The following CD163L1 variants were observed in gnomAD, a reference collection of about 807,000 sequenced individuals.
CD163L1 encodes scavenger receptor cysteine-rich type 1 protein M160.
In CD163L1, 124 loss-of-function variants were observed where a neutral mutation model predicts 165.4. The ratio of observed to expected loss-of-function variants is 0.75; its 90% CI spans 0.65 to 0.87. The LOEUF is 0.87. CD163L1 is among the 40% of genes least tolerant of loss of function. The pLI, the probability that CD163L1 is intolerant of heterozygous loss-of-function variation, is 0.00. For missense variants in CD163L1, 1,525 were observed against 1,799.9 expected (o/e 0.85, Z 2.76); for synonymous variants, 585 against 662.2 (o/e 0.88, Z 1.79).
In CD163L1 at chr12:7,367,235, C is replaced by T; in HGVS notation, c.4279+1G>A. The T allele has an allele frequency of 6.2e-7, 1 of 1,607,994 alleles. No individual in the cohort carries two copies. The highest frequency in any genetic ancestry group is 1.1e-5 in the South Asian group (1 of 90,742). The stretch of plus-strand genomic sequence containing the variant: ...AGTGCGGCCCCTGGAGTTGCACAGA[C>T]CTGAGGTTCTTGTCCCATGTGGGTC... On this transcript the variant is annotated splice_donor_variant, in intron 18 of 19. Coordinates refer to ENST00000313599, the MANE Select transcript of CD163L1 (RefSeq NM_174941.6). LOFTEE classifies it high-confidence loss of function.
At position 7,361,994 on chromosome 12, in the gene CD163L1, G is replaced by A. The variant is rs1946901926; in HGVS notation, c.4280-4508C>T. Among the ~76,000 whole-genome samples, 15 of 151,622 alleles carry A rather than the reference G, an allele frequency of 9.9e-5. No individual in the cohort carries two copies. In the South Asian group the frequency reaches 3.1e-3, roughly 31 times the overall value. On this transcript the variant is annotated intron_variant, in intron 18 of 19. Transcript: ENST00000313599. ...GATTGCTCTATGTACCTCTTATAAA[G>A]TGAATCATGTAGTATTTATCTTTTT...
intron 19 of CD163L1, among the ~76,000 whole-genome samples, chr12:7,355,384 A>G (rs1946754225): frequency 2.0e-5 from 3 of 152,144 alleles, no homozygotes; most frequent in African/African-American, 7.2e-5. Context: ...GTAATAATTT[A>G]CTTATCAAAG....
chr12:7,358,908 A>G (rs10431230), intron 18 of CD163L1, among the ~76,000 whole-genome samples: 63,240 of 151,782 alleles, frequency 0.42, 14,462 homozygotes, highest in Non-Finnish European at 0.52. Flanking sequence ...TCAAAGAAAG[A>G]ATTAAAAATG....
At chr12:7,380,297 G>GTATACACATATACATACATATA (rs1565784018) in intron 8 of CD163L1, among the ~76,000 whole-genome samples, 43 of 129,554 alleles carry the variant, frequency 3.3e-4, no homozygotes, top group Non-Finnish European at 2.7e-4. Flanking sequence ...GTGTGTGTGT[G>GTATACACATATACATACATATA]TGTGTATACA....
chr12:7,380,549 G>A (rs1294067203), intron 8 of CD163L1, among the ~76,000 whole-genome samples: 1 of 151,986 alleles, frequency 6.6e-6, no homozygotes. Context: ...AATATTGTAT[G>A]TTCTCACTCA....
the CD163L1 span, among the ~76,000 whole-genome samples, chr12:7,320,978 G>A: frequency 2.6e-5 from 4 of 152,182 alleles, no homozygotes; most frequent in Non-Finnish European, 4.4e-5. Context: ...AGAATGTTGA[G>A]CAGCATCTCA....
chr12:7,323,601 TG>T, the CD163L1 span: 2 of 1,549,612 alleles, frequency 1.3e-6, no homozygotes, highest in Non-Finnish European at 1.8e-6. Flanking sequence ...AATACAGACT[TG>T]GGTTCAAATT....
chr12:7,389,093 T>C (rs1032433528), intron 8 of CD163L1, among the ~76,000 whole-genome samples: 10 of 152,220 alleles, frequency 6.6e-5, no homozygotes, highest in Admixed American at 2.0e-4. Flanking sequence ...CTTTGATACA[T>C]TGATTTCCTT....
chr12:7,422,076 A>G (rs1350148370), intron 4 of CD163L1, among the ~76,000 whole-genome samples: 2 of 152,094 alleles, frequency 1.3e-5, no homozygotes, highest in Non-Finnish European at 2.9e-5. Context: ...CTCTGGGACA[A>G]AGCTTCTAGA....
intron 8 of CD163L1, among the ~76,000 whole-genome samples, chr12:7,385,353 A>T (rs1947494299): frequency 6.6e-6 from 1 of 152,042 alleles, no homozygotes; most frequent in Non-Finnish European, 1.5e-5. Context: ...AAGCACTCAG[A>T]CATATAAAGC....
the CD163L1 span, among the ~76,000 whole-genome samples, chr12:7,336,717 T>A: frequency 6.6e-6 from 1 of 152,076 alleles, no homozygotes; most frequent in South Asian, 2.1e-4. Flanking sequence ...TCCATGCTCA[T>A]GCATAGGAAG....
chr12:7,432,163 A>T lies in CD163L1; in HGVS notation c.766+253T>A, dbSNP rs113139054. Among the ~76,000 whole-genome samples the T allele has an allele frequency of 5.9e-5, 9 of 152,348 alleles. No homozygotes were observed. The highest frequency in any genetic ancestry group is 1.9e-4 in the African/African-American group (8 of 41,580). On this transcript the variant is annotated intron_variant, in intron 4 of 19. Transcript: ENST00000313599. This position sits in a 1 kb window ranked among gnomAD's most constrained non-coding sequence, Gnocchi z 4.2. ...TTTGAAAAAGGTTTTTAGAAAAAAG[A>T]TTTGATCGGCCTATGGAATACTGCT... is the stretch of plus-strand genomic sequence containing the variant.
chr12:7,320,226 T>C, the CD163L1 span, among the ~76,000 whole-genome samples: 2 of 152,152 alleles, frequency 1.3e-5, no homozygotes, highest in African/African-American at 4.8e-5. Context: ...CTCAGCAAAT[T>C]TTTAAAAATT....
chr12:7,328,282 A>T, the CD163L1 span: 3 of 1,574,798 alleles, frequency 1.9e-6, no homozygotes, highest in East Asian at 2.3e-5. Flanking sequence ...TTTTCTGTCA[A>T]TTAGGTGGAA....
chr12:7,342,621 C>G (rs1946644916), downstream of CD163L1, among the ~76,000 whole-genome samples: 1 of 152,136 alleles, frequency 6.6e-6, no homozygotes, highest in Non-Finnish European at 1.5e-5. Context: ...CAAAAATGTT[C>G]TATACAGGTT....
downstream of CD163L1, among the ~76,000 whole-genome samples, chr12:7,353,233 T>C (rs1397170316): frequency 6.6e-6 from 1 of 151,248 alleles, no homozygotes; most frequent in Admixed American, 6.6e-5. Flanking sequence ...GAGAAAAAAA[T>C]CGGTAAATTT....
intron 8 of CD163L1, among the ~76,000 whole-genome samples, chr12:7,394,213 A>G (rs1301898764): frequency 2.0e-5 from 3 of 152,206 alleles, no homozygotes; most frequent in African/African-American, 7.2e-5. Flanking sequence ...GGCTATAGTA[A>G]CCAAAACAGC....
intron 6 of CD163L1, among the ~76,000 whole-genome samples, chr12:7,399,140 C>T (rs1043479424): frequency 6.6e-6 from 1 of 151,220 alleles, no homozygotes; most frequent in Non-Finnish European, 1.5e-5. Context: ...TATTTCCTTC[C>T]TTTCTTCCTT....
rs1189882817 is a variant in CD163L1 at position 7,367,475 on chromosome 12, AT to A, written c.4184-145del. 8.5e-6 allele frequency: 4 copies of A among 473,284 alleles called. No homozygotes were observed. In the Admixed American group the frequency reaches 1.0e-4, roughly 12 times the overall value. 29.3% of individuals were successfully genotyped at this position (473,284 alleles called of 1,614,324 possible). On this transcript the variant is annotated intron_variant, in intron 17 of 19. Transcript: ENST00000313599. ...TTTCAGCACCTACCCCTGCTAGTGA[AT>A]TTTTTACATTTTTAAAATTTATCCT... is the stretch of plus-strand genomic sequence containing the variant.
Sources: gnomAD v4.1 joint callset for allele counts (sites outside exome capture counted in the v4.1 genomes callset) on GRCh38, gnomAD v4.1.1 for gene constraint, Gnocchi (gnomAD v3.1) non-coding constraint, MANE v1.5 for transcripts, NCBI Gene and HGNC (gene_info 2026-07-23, HGNC 2026-07-21) for gene names.